The following DIAPH3 variants were observed in gnomAD, a reference collection of about 807,000 sequenced individuals.
DIAPH3 encodes the protein protein diaphanous homolog 3.
Under a neutral mutation model 144.3 loss-of-function variants are expected in DIAPH3, and 117 were observed. The ratio of observed to expected loss-of-function variants is 0.81; its 90% CI spans 0.70 to 0.95. The LOEUF is 0.95. Ranked by LOEUF, DIAPH3 falls within the 40% of genes least tolerant of loss-of-function variation. DIAPH3 has a pLI of 0.00. For synonymous variants in DIAPH3, 519 were observed against 488.9 expected (o/e 1.06, Z -0.81); for missense variants, 1,421 against 1,412.7 (o/e 1.01, Z -0.09).
intron 27 of DIAPH3, among the ~76,000 whole-genome samples, chr13:59,758,583 A>G (rs1407312172): frequency 6.6e-6 from 1 of 152,228 alleles, no homozygotes; most frequent in Non-Finnish European, 1.5e-5. Context: ...TCATCAAGCC[A>G]TATACTTAGG....
chr13:60,100,681 A>G (rs1293504595), intron 3 of DIAPH3, among the ~76,000 whole-genome samples: 2 of 152,164 alleles, frequency 1.3e-5, no homozygotes, highest in East Asian at 3.8e-4. Flanking sequence ...AATTATTTCA[A>G]AATAAAGAGT....
intron 27 of DIAPH3, among the ~76,000 whole-genome samples, chr13:59,682,267 C>G (rs1217329812): frequency 6.6e-6 from 1 of 152,150 alleles, no homozygotes; most frequent in African/African-American, 2.4e-5. Context: ...AATTATTTTT[C>G]AGTTGTTTTC....
chr13:59,914,528 A>G (rs1422365264), intron 19 of DIAPH3, among the ~76,000 whole-genome samples: 3 of 152,238 alleles, frequency 2.0e-5, no homozygotes, highest in Non-Finnish European at 4.4e-5. Flanking sequence ...TAGGTTATAG[A>G]TGGAATTAAA....
chr13:59,988,273 G>A (rs544778845), intron 12 of DIAPH3, among the ~76,000 whole-genome samples: 1 of 151,810 alleles, frequency 6.6e-6, no homozygotes, highest in East Asian at 2.0e-4. Context: ...AAATATTTCT[G>A]CCATAATAAC....
intron 1 of DIAPH3, among the ~76,000 whole-genome samples, chr13:60,144,310 T>C (rs1042351166): frequency 1.5e-4 from 23 of 152,192 alleles, no homozygotes; most frequent in Non-Finnish European, 3.2e-4. Flanking sequence ...AACTCTAATG[T>C]GCAACCTGGA....
chr13:59,728,204 T>C (rs342587), intron 27 of DIAPH3, among the ~76,000 whole-genome samples: 99,824 of 151,866 alleles, frequency 0.66, 33,155 homozygotes, highest in East Asian at 0.72. Flanking sequence ...ACACCCCCAC[T>C]GGTTACTCTT....
chr13:59,726,501 T>C (rs1316739819), intron 27 of DIAPH3, among the ~76,000 whole-genome samples: 1 of 152,206 alleles, frequency 6.6e-6, no homozygotes, highest in East Asian at 1.9e-4. Flanking sequence ...CACCTCCTTA[T>C]ATCTACCTCA....
chr13:59,926,359 T>C (rs973185511), intron 17 of DIAPH3, among the ~76,000 whole-genome samples: 4 of 152,144 alleles, frequency 2.6e-5, no homozygotes, highest in Admixed American at 2.6e-4. Context: ...TTCTACTAAC[T>C]TTGGGTTTGG....
intron 9 of DIAPH3, among the ~76,000 whole-genome samples, chr13:60,007,792 T>C (rs1423989072): frequency 6.6e-6 from 1 of 152,236 alleles, no homozygotes; most frequent in East Asian, 1.9e-4. Flanking sequence ...TAAATGTGTC[T>C]TTTTAGCAGT....
chr13:59,975,809 C>T (rs1344775188), intron 14 of DIAPH3, among the ~76,000 whole-genome samples: 1 of 152,006 alleles, frequency 6.6e-6, no homozygotes, highest in Non-Finnish European at 1.5e-5. Flanking sequence ...TAGGTAAAAA[C>T]TGTCCAAATG....
chr13:60,156,683 CCTTT>C (rs1952036373), intron 1 of DIAPH3, among the ~76,000 whole-genome samples: 1 of 151,480 alleles, frequency 6.6e-6, no homozygotes, highest in Non-Finnish European at 1.5e-5. Context: ...CAGAGAAGAC[CCTTT>C]CTTGCATTTC....
At chr13:59,866,552 G>A (rs2043935888) in intron 21 of DIAPH3, among the ~76,000 whole-genome samples, 1 of 151,944 alleles carries the variant, frequency 6.6e-6, no homozygotes, top group South Asian at 2.1e-4. Flanking sequence ...ACTCCCTTGA[G>A]GTCATTTCTA....
At chr13:59,743,991 C>T (rs1278365358) in intron 27 of DIAPH3, among the ~76,000 whole-genome samples, 1 of 152,092 alleles carries the variant, frequency 6.6e-6, no homozygotes, top group East Asian at 1.9e-4. Flanking sequence ...TCATGCTATT[C>T]TTACATTAAA....
At chr13:59,856,369 G>A (rs891393150) in intron 22 of DIAPH3, among the ~76,000 whole-genome samples, 3 of 152,084 alleles carry the variant, frequency 2.0e-5, no homozygotes, top group Admixed American at 6.6e-5. Context: ...AAATACCCCA[G>A]GCTGAGTGGC....
At chr13:59,784,793 T>G (rs138244878) in intron 25 of DIAPH3, among the ~76,000 whole-genome samples, 17 of 152,114 alleles carry the variant, frequency 1.1e-4, no homozygotes, top group African/African-American at 3.4e-4. Flanking sequence ...GCAGTTGATA[T>G]ACAAAATTCA....
At chr13:59,738,173 T>TA (rs1304894044) in intron 27 of DIAPH3, among the ~76,000 whole-genome samples, 3 of 151,770 alleles carry the variant, frequency 2.0e-5, no homozygotes, top group Admixed American at 2.0e-4. Context: ...TCTCAAAAAA[T>TA]AAAAAACAAA....
At chr13:60,116,448 T>A (rs1205570337) in intron 2 of DIAPH3, among the ~76,000 whole-genome samples, 1 of 148,950 alleles carries the variant, frequency 6.7e-6, no homozygotes, top group African/African-American at 2.4e-5. Context: ...AAACAAAAAC[T>A]GAGAGAAACC....
intron 27 of DIAPH3, among the ~76,000 whole-genome samples, chr13:59,670,908 G>A (rs569445332): frequency 9.7e-4 from 147 of 152,192 alleles, no homozygotes; most frequent in African/African-American, 3.5e-3. Flanking sequence ...TTAAAGCCTG[G>A]CAACAAAGCC....
At chr13:59,806,839 T>C (rs1487605940) in intron 25 of DIAPH3, among the ~76,000 whole-genome samples, 1 of 151,900 alleles carries the variant, frequency 6.6e-6, no homozygotes, top group Non-Finnish European at 1.5e-5. Flanking sequence ...AATGTCTTTA[T>C]TGAAGATCAT....
Sources: allele counts gnomAD v4.1 joint callset (sites outside exome capture counted in the v4.1 genomes callset), GRCh38; gene constraint gnomAD v4.1.1; transcripts MANE v1.5; gene names NCBI Gene and HGNC (gene_info 2026-07-23, HGNC 2026-07-21).